The following NEBL variants were observed in gnomAD, a reference collection of about 807,000 sequenced individuals.
NEBL encodes LIM and SH3 protein 2.
In NEBL, 122 loss-of-function variants were observed where a neutral mutation model predicts 140.2. That is an observed-to-expected ratio of 0.87 (90% CI 0.75 to 1.01). The LOEUF is 1.01. NEBL is among the 50% of genes least tolerant of loss of function. The pLI is 0.00. For missense variants in NEBL, 1,365 were observed against 1,231.3 expected, an observed-to-expected ratio of 1.11 and a Z score of -1.62; for synonymous variants, 436 against 398.9, an observed-to-expected ratio of 1.09 and a Z score of -1.11.
chr10:21,014,299 T>C (rs1838470447), intron 3 of NEBL, among the ~76,000 whole-genome samples: 1 of 152,002 alleles, frequency 6.6e-6, no homozygotes, highest in Admixed American at 6.6e-5. Context: ...TATTTTTTAT[T>C]ACGTTATTAC....
chr10:20,918,059 G>A lies in NEBL; in HGVS notation c.357+43613C>T, dbSNP rs546122839. Among the ~76,000 whole-genome samples, 8 of 152,288 alleles carry A rather than the reference G, an allele frequency of 5.3e-5. No individual in the cohort carries two copies. In the East Asian group the frequency reaches 1.5e-3, roughly 29 times the overall value. On this transcript the variant is annotated intron_variant, in intron 4 of 6. Transcript: ENST00000417816. ...CAGTTTTTGGAGAAAACACACAGGA[G>A]TTAGAATCCAAGCTCCAGGCCAGGT...
At chr10:21,249,966 A>C (rs1842566440) in intron 2 of NEBL, among the ~76,000 whole-genome samples, 1 of 152,154 alleles carries the variant, frequency 6.6e-6, no homozygotes, top group Non-Finnish European at 1.5e-5. Flanking sequence ...TGGGAGGCTG[A>C]GGTACAAGTA....
At position 21,242,173 on chromosome 10, in the gene NEBL, C is replaced by T. The variant is rs113344853; in HGVS notation, n.348+5748G>A. Among the ~76,000 whole-genome samples the T allele has an allele frequency of 4.0e-3, 602 of 152,028 alleles. 6 individuals carry two copies. Among genetic ancestry groups the T allele is most frequent in the African/African-American group, 0.014 (578 of 41,466 alleles). ...GCCAAGATCACGCCACCACTGTGCT[C>T]CAGCCTGGGTGACAGAGCAAGACCC... On this transcript the variant is annotated intron_variant and non_coding_transcript_variant, in intron 3 of 8. Coordinates refer to the NEBL transcript ENST00000675702.
intron 26 of NEBL, among the ~76,000 whole-genome samples, chr10:20,805,946 G>T (rs1270094879): frequency 6.6e-6 from 1 of 151,930 alleles, no homozygotes; most frequent in Non-Finnish European, 1.5e-5. Flanking sequence ...CTTTGAAGAA[G>T]TATGAAATTC....
intron 4 of NEBL, among the ~76,000 whole-genome samples, chr10:20,922,054 C>T (rs1351686151): frequency 1.3e-5 from 2 of 152,148 alleles, no homozygotes; most frequent in Admixed American, 6.5e-5. Context: ...ATTGTTTTGG[C>T]TCTGAAATTT....
intron 26 of NEBL, among the ~76,000 whole-genome samples, chr10:20,800,068 T>C (rs1431328695): frequency 6.6e-6 from 1 of 152,136 alleles, no homozygotes; most frequent in Non-Finnish European, 1.5e-5. Context: ...ATATGTTACA[T>C]CTCTAGATGT....
At chr10:20,834,198 T>C (rs1588725260) in intron 14 of NEBL, among the ~76,000 whole-genome samples, 1 of 152,176 alleles carries the variant, frequency 6.6e-6, no homozygotes, top group Non-Finnish European at 1.5e-5. Context: ...ATCAACCACT[T>C]AAATGGGGTC....
At chr10:21,169,107 T>TA (rs1840965027) in intron 2 of NEBL, among the ~76,000 whole-genome samples, 2 of 121,878 alleles carry the variant, frequency 1.6e-5, no homozygotes, top group African/African-American at 3.0e-5. Flanking sequence ...TATATATATA[T>TA]TTGGACATAT....
intron 2 of NEBL, among the ~76,000 whole-genome samples, chr10:21,030,999 G>A (rs945379802): frequency 2.0e-5 from 3 of 152,150 alleles, no homozygotes; most frequent in African/African-American, 7.2e-5. Context: ...GCTCCCATGT[G>A]GAGGAAAAAG....
chr10:20,874,369 C>A (rs530463462), intron 5 of NEBL, among the ~76,000 whole-genome samples: 5 of 152,186 alleles, frequency 3.3e-5, no homozygotes, highest in African/African-American at 1.2e-4. Context: ...TTAATGAAAT[C>A]GGACAGACAC....
chr10:21,158,178 C>T (rs1451256304), intron 2 of NEBL, among the ~76,000 whole-genome samples: 2 of 152,212 alleles, frequency 1.3e-5, no homozygotes, highest in South Asian at 2.1e-4. Context: ...AACCATTCTG[C>T]ACTCATCCAT....
At chr10:20,924,413 TAAAAAAAAAAAAA>T (rs71390800) in intron 4 of NEBL, among the ~76,000 whole-genome samples, 2 of 59,062 alleles carry the variant, frequency 3.4e-5, no homozygotes, top group African/African-American at 1.3e-4. Context: ...AGGCATGAAG[TAAAAAAAAAAAAA>T]AAAAAAAAAA....
chr10:21,152,867 T>G (rs183559361), intron 2 of NEBL, among the ~76,000 whole-genome samples: 1 of 152,194 alleles, frequency 6.6e-6, no homozygotes, highest in Non-Finnish European at 1.5e-5. Context: ...AAAAAACAAC[T>G]GTACATCAAT....
At chr10:21,197,373 G>A (rs78771135) in intron 3 of NEBL, among the ~76,000 whole-genome samples, 1 of 152,338 alleles carries the variant, frequency 6.6e-6, no homozygotes, top group East Asian at 1.9e-4. Flanking sequence ...AGAGAATGGA[G>A]TATAAAGTTG....
intron 3 of NEBL, among the ~76,000 whole-genome samples, chr10:21,014,769 G>A (rs1217136374): frequency 6.6e-6 from 1 of 152,136 alleles, no homozygotes; most frequent in African/African-American, 2.4e-5. Context: ...GCTTCCAAAG[G>A]TTTATACTAA....
intron 12 of NEBL, 152 bp downstream of exon 12, chr10:20,845,106 A>G: frequency 1.8e-6 from 1 of 561,944 alleles, no homozygotes; most frequent in Non-Finnish European, 3.2e-6. Context: ...TCTAATGAAA[A>G]TGCAACACTT....
At chr10:20,879,575 C>T (rs1220493025) in intron 5 of NEBL, among the ~76,000 whole-genome samples, 5 of 152,110 alleles carry the variant, frequency 3.3e-5, no homozygotes, top group East Asian at 1.9e-4. Flanking sequence ...TAACAGTTGC[C>T]GTTCTGCGGA....
intron 7 of NEBL, among the ~76,000 whole-genome samples, chr10:20,861,335 G>A (rs1031029697): frequency 2.0e-5 from 3 of 152,058 alleles, no homozygotes; most frequent in Non-Finnish European, 2.9e-5. Flanking sequence ...TCGCCACCAC[G>A]CTCAGCTAAT....
At chr10:20,868,351 C>T (rs540194755) in intron 7 of NEBL, 28 of 302,696 alleles carry the variant, frequency 9.3e-5, no homozygotes, top group South Asian at 7.1e-4. Context: ...TAGGTTAAAA[C>T]ACAATTATTT....
Sources: gnomAD v4.1 joint callset for allele counts (sites outside exome capture counted in the v4.1 genomes callset) on GRCh38, gnomAD v4.1.1 for gene constraint, MANE v1.5 for transcripts, NCBI Gene and HGNC (gene_info 2026-07-23, HGNC 2026-07-21) for gene names.